The following SPHKAP variants were observed in gnomAD, a reference collection of about 807,000 sequenced individuals.
The protein encoded by SPHKAP is A-kinase anchor protein SPHKAP.
A neutral mutation model predicts 137.5 loss-of-function variants in SPHKAP; 67 were observed. The ratio of observed to expected loss-of-function variants is 0.49; its 90% CI spans 0.40 to 0.60. The LOEUF (loss-of-function observed/expected upper bound fraction) is 0.60, where lower values mean the gene tolerates loss of function less well. Among genes scored for constraint, SPHKAP ranks in the 20% least tolerant of loss-of-function variants. The pLI is 0.00. For missense variants in SPHKAP, 2,097 were observed against 2,069.3 expected, an observed-to-expected ratio of 1.01 and a Z score of -0.26; for synonymous variants, 813 against 785.3, an observed-to-expected ratio of 1.04 and a Z score of -0.59.
At chr2:228,135,999 C>CA (rs1699430771) in intron 1 of SPHKAP, among the ~76,000 whole-genome samples, 2 of 152,248 alleles carry the variant, frequency 1.3e-5, no homozygotes, top group East Asian at 3.9e-4. Flanking sequence ...TGTTCCCATA[C>CA]CTTTTGGATG....
At chr2:228,026,131 C>T (rs1217906000) in intron 4 of SPHKAP, among the ~76,000 whole-genome samples, 1 of 152,170 alleles carries the variant, frequency 6.6e-6, no homozygotes, top group East Asian at 1.9e-4. Context: ...ACTTGCTCCT[C>T]CTTGCCTTCC....
chr2:228,009,564 C>G (rs6743957), intron 7 of SPHKAP, among the ~76,000 whole-genome samples: 1 of 151,930 alleles, frequency 6.6e-6, no homozygotes, highest in Non-Finnish European at 1.5e-5. Context: ...TGATTATACT[C>G]CTTATAATGA....
intron 7 of SPHKAP, among the ~76,000 whole-genome samples, chr2:228,010,819 A>G (rs1167698921): frequency 6.6e-6 from 1 of 152,108 alleles, no homozygotes; most frequent in Non-Finnish European, 1.5e-5. Flanking sequence ...ATTTTTTCCA[A>G]ATATTAAACA....
chr2:228,029,927 T>A (rs1426601303), intron 3 of SPHKAP, among the ~76,000 whole-genome samples: 1 of 152,084 alleles, frequency 6.6e-6, no homozygotes, highest in Non-Finnish European at 1.5e-5. Context: ...AAAGCAGAGA[T>A]CAGAGAGCAA....
chr2:228,141,640 G>A (rs1473331283), intron 1 of SPHKAP, among the ~76,000 whole-genome samples: 1 of 149,124 alleles, frequency 6.7e-6, no homozygotes, highest in East Asian at 2.0e-4. Flanking sequence ...AATAACAAAG[G>A]CTTTTTTTAA....
intron 2 of SPHKAP, among the ~76,000 whole-genome samples, chr2:228,128,335 C>T (rs1699141337): frequency 6.6e-6 from 1 of 152,214 alleles, no homozygotes; most frequent in Non-Finnish European, 1.5e-5. Flanking sequence ...AAACCACTTT[C>T]TTTCCACAAG....
At chr2:228,161,518 C>A (rs905268584) in intron 1 of SPHKAP, among the ~76,000 whole-genome samples, 7 of 152,032 alleles carry the variant, frequency 4.6e-5, no homozygotes, top group African/African-American at 1.5e-4. Context: ...AACACGTGGA[C>A]ACAGGGAGGG....
intron 2 of SPHKAP, among the ~76,000 whole-genome samples, chr2:228,128,080 T>G (rs1322082568): frequency 6.6e-6 from 1 of 152,178 alleles, no homozygotes. Flanking sequence ...GCTGTTGCAA[T>G]TTCTTAAAAT....
intron 5 of SPHKAP, among the ~76,000 whole-genome samples, chr2:228,023,038 A>C (rs752963805): frequency 2.6e-5 from 4 of 152,222 alleles, no homozygotes; most frequent in Non-Finnish European, 4.4e-5. Context: ...CAAATTATAG[A>C]ATCATGTACT....
chr2:228,129,763 T>C (rs992777101), intron 2 of SPHKAP, among the ~76,000 whole-genome samples: 6 of 151,748 alleles, frequency 4.0e-5, no homozygotes, highest in Admixed American at 1.3e-4. Context: ...TGAAGTCATT[T>C]AGAATTAAAG....
At chr2:227,993,438 G>C (rs1693494406) in intron 9 of SPHKAP, 96 bp downstream of exon 9, 3 of 1,086,946 alleles carry the variant, frequency 2.8e-6, no homozygotes, top group Admixed American at 2.0e-5. Flanking sequence ...GACATGATGA[G>C]GTCAGTGGTT....
chr2:228,173,129 C>T lies in SPHKAP; in HGVS notation c.32+8438G>A, dbSNP rs368516182. ...CAGCTCAGGCACACTGAATGACTCA[C>T]GTATGGCAGAGGAGGAACAAATAGC... On this transcript the variant is annotated intron_variant, in intron 1 of 11. Transcript: ENST00000392056. 8.3e-5 allele frequency: 75 copies of T among 907,868 alleles called. No homozygotes were observed. In the African/African-American group the frequency reaches 8.4e-4, roughly 10 times the overall value. The allele number at this position is 907,868 out of a possible 1,614,324, so 56.2% of individuals were successfully genotyped here. A position where few individuals can be genotyped will look rare whatever the true frequency, so the allele number is the denominator to read the frequency against.
chr2:228,165,317 A>G (rs552677865), intron 1 of SPHKAP, among the ~76,000 whole-genome samples: 2 of 152,296 alleles, frequency 1.3e-5, no homozygotes, highest in South Asian at 2.1e-4. Context: ...CAATTGATCT[A>G]TGTGCTGTCT....
chr2:228,021,252 T>G (rs1294198552), intron 6 of SPHKAP, among the ~76,000 whole-genome samples: 10 of 152,152 alleles, frequency 6.6e-5, no homozygotes, highest in Admixed American at 6.5e-4. Context: ...TACTCCCAAA[T>G]TAGACAAACA....
At chr2:228,031,187 C>T (rs547618260) in intron 3 of SPHKAP, among the ~76,000 whole-genome samples, 88 of 152,032 alleles carry the variant, frequency 5.8e-4, no homozygotes, top group Non-Finnish European at 1.1e-3. Flanking sequence ...GCTTTTCCAA[C>T]GGGCTTAAAA....
rs61752226 is a variant in SPHKAP at position 228,019,970 on chromosome 2, G to A, written c.884C>T (p.Ala295Val). Residue 295 changes from alanine (A) to valine (V), a missense_variant, in exon 7 of 12, where the codon GCC becomes GTC. Transcript: ENST00000392056. ...RSPENLTKNT[A>V]LQSLDPSAKP... ...GGCTGAGGGATCTAGACTCTGCAAG[G>A]CTGTGTTCTTTGTTAGGTTTTCTGG... is the stretch of plus-strand genomic sequence containing the variant. 18,148 of 1,614,156 alleles carry A rather than the reference G, an allele frequency of 0.011. 180 individuals carry two copies. Among genetic ancestry groups the A allele is most frequent in the Non-Finnish European group, 0.011 (12,668 of 1,180,014 alleles).
chr2:228,141,930 T>C (rs1400160547), intron 1 of SPHKAP, among the ~76,000 whole-genome samples: 2 of 152,204 alleles, frequency 1.3e-5, no homozygotes, highest in African/African-American at 4.8e-5. Flanking sequence ...ATGTATATTT[T>C]TCTTTTTCTG....
intron 5 of SPHKAP, 59 bp downstream of exon 5, chr2:228,025,335 A>G: frequency 6.3e-7 from 1 of 1,584,534 alleles, no homozygotes; most frequent in South Asian, 1.1e-5. Context: ...GTTTACACTG[A>G]TCTGTGCTGA....
chr2:228,092,337 G>C (rs1697799345), intron 3 of SPHKAP, among the ~76,000 whole-genome samples: 1 of 117,778 alleles, frequency 8.5e-6, no homozygotes, highest in African/African-American at 3.1e-5. Flanking sequence ...ACACACACGT[G>C]TATGTGTGTG....
Sources: allele counts gnomAD v4.1 joint callset (sites outside exome capture counted in the v4.1 genomes callset), GRCh38; gene constraint gnomAD v4.1.1; transcripts MANE v1.5; gene names NCBI Gene and HGNC (gene_info 2026-07-23, HGNC 2026-07-21).